The following CCBE1 variants were observed in gnomAD, a reference collection of about 807,000 sequenced individuals.
The protein encoded by CCBE1 is collagen and calcium-binding EGF domain-containing protein 1.
A neutral mutation model predicts 50.0 loss-of-function variants in CCBE1; 37 were observed. The ratio of observed to expected loss-of-function variants is 0.74; its 90% CI spans 0.57 to 0.97. The LOEUF is 0.97. Among genes scored for constraint, CCBE1 ranks in the 50% least tolerant of loss-of-function variants. CCBE1 has a pLI of 0.00. For missense variants in CCBE1, 538 were observed against 523.8 expected (o/e 1.03, Z -0.26); for synonymous variants, 234 against 203.7 (o/e 1.15, Z -1.27).
At chr18:59,694,376 G>A (rs1014695985) in intron 2 of CCBE1, among the ~76,000 whole-genome samples, 1 of 152,236 alleles carries the variant, frequency 6.6e-6, no homozygotes, top group African/African-American at 2.4e-5. Context: ...CTGGAATGCT[G>A]GTTCTTTATC....
At chr18:59,602,119 T>C (rs1325099206) in intron 2 of CCBE1, among the ~76,000 whole-genome samples, 1 of 152,070 alleles carries the variant, frequency 6.6e-6, no homozygotes, top group Non-Finnish European at 1.5e-5. Flanking sequence ...AATTCCTTTT[T>C]TTTTTTTTAA....
chr18:59,447,210 C>A (rs927058180), intron 7 of CCBE1, among the ~76,000 whole-genome samples: 6 of 151,938 alleles, frequency 3.9e-5, no homozygotes, highest in Admixed American at 6.6e-5. Context: ...TACACACATA[C>A]GTATATATGT....
chr18:59,597,539 A>T (rs535322551), intron 2 of CCBE1, among the ~76,000 whole-genome samples: 3 of 149,138 alleles, frequency 2.0e-5, no homozygotes, highest in African/African-American at 7.4e-5. Context: ...TGAGGGTGGG[A>T]GGAGAAAATT....
Position 59,612,217 on chromosome 18 carries a change from A to T in CCBE1, c.212+84412T>A, listed in dbSNP as rs187584467. Reference sequence around the variant, plus strand: ...AAGCACTGGCTCTTCATACTCCCTTAAACCAACATGGCACATGTATACATA... The same window carrying T: ...AAGCACTGGCTCTTCATACTCCCTTTAACCAACATGGCACATGTATACATA... On this transcript the variant is annotated intron_variant, in intron 2 of 10. Coordinates refer to ENST00000439986, the MANE Select transcript of CCBE1 (RefSeq NM_133459.4). Among the ~76,000 whole-genome samples, 215 of 151,948 alleles carry T rather than the reference A, an allele frequency of 1.4e-3. 4 individuals carry two copies. In the Middle Eastern group the frequency reaches 0.027, roughly 19 times the overall value.
intron 7 of CCBE1, among the ~76,000 whole-genome samples, chr18:59,445,453 T>A (rs1397462708): frequency 7.2e-5 from 11 of 152,248 alleles, no homozygotes; most frequent in Non-Finnish European, 1.5e-4. Flanking sequence ...TTCTTTTAAA[T>A]GCACATAGTA....
intron 2 of CCBE1, among the ~76,000 whole-genome samples, chr18:59,669,949 G>C (rs941872007): frequency 3.9e-5 from 6 of 152,208 alleles, no homozygotes; most frequent in Non-Finnish European, 8.8e-5. Flanking sequence ...GATGATTACT[G>C]ATGCTACATT....
intron 2 of CCBE1, among the ~76,000 whole-genome samples, chr18:59,633,649 T>TAC (rs1475336193): frequency 6.6e-6 from 1 of 151,982 alleles, no homozygotes; most frequent in African/African-American, 2.4e-5. Flanking sequence ...GAGAACTGTC[T>TAC]ACATTGTTAA....
intron 2 of CCBE1, among the ~76,000 whole-genome samples, chr18:59,625,324 G>A (rs2005276): frequency 0.46 from 68,937 of 151,372 alleles, 17,168 homozygotes; most frequent in African/African-American, 0.66. Flanking sequence ...CCAGCTACTC[G>A]GGAGGCTGAG....
At chr18:59,658,321 TAAAAAAAAAAAAAAA>T (rs1157998930) in intron 2 of CCBE1, among the ~76,000 whole-genome samples, 77 of 6,414 alleles carry the variant, frequency 0.012, 2 homozygotes, top group African/African-American at 0.018. Flanking sequence ...ACCCTGTCTC[TAAAAAAAAAAAAAAA>T]AAAAAAAAAA....
intron 2 of CCBE1, among the ~76,000 whole-genome samples, chr18:59,665,707 C>T (rs963470757): frequency 1.3e-4 from 20 of 152,018 alleles, no homozygotes; most frequent in Admixed American, 1.1e-3. Context: ...TTTACGGCTC[C>T]GAGGTGATGG....
At chr18:59,581,708 G>C (rs568284563) in intron 2 of CCBE1, among the ~76,000 whole-genome samples, 9 of 152,200 alleles carry the variant, frequency 5.9e-5, no homozygotes, top group Non-Finnish European at 1.3e-4. Context: ...GTTGGGGCCA[G>C]ATACTTCTTC....
At chr18:59,691,385 C>G (rs1280421478) in intron 2 of CCBE1, among the ~76,000 whole-genome samples, 2 of 137,774 alleles carry the variant, frequency 1.5e-5, no homozygotes, top group African/African-American at 2.6e-5. Context: ...CCCCTGCTCT[C>G]TTCTTCACAA....
chr18:59,550,766 C>T (rs897626545), intron 2 of CCBE1, among the ~76,000 whole-genome samples: 9 of 151,924 alleles, frequency 5.9e-5, no homozygotes, highest in East Asian at 5.8e-4. Context: ...CGGTGGCTCA[C>T]GCCTGTAATC....
At chr18:59,492,641 C>T (rs148657603) in intron 2 of CCBE1, among the ~76,000 whole-genome samples, 1 of 152,280 alleles carries the variant, frequency 6.6e-6, no homozygotes, top group Non-Finnish European at 1.5e-5. Context: ...ACACAAGAAA[C>T]CTGTATCCGT....
chr18:59,574,545 C>A (rs537095044), intron 2 of CCBE1, among the ~76,000 whole-genome samples: 2 of 152,328 alleles, frequency 1.3e-5, no homozygotes, highest in African/African-American at 4.8e-5. Flanking sequence ...AAAGTTATTT[C>A]ATCTTAACTC....
chr18:59,462,421 T>C (rs914017179), intron 5 of CCBE1: 2 of 152,182 alleles, frequency 1.3e-5, no homozygotes, highest in Non-Finnish European at 2.9e-5. Context: ...TTCTTTTTTT[T>C]TTGAGACAGG....
At chr18:59,543,328 G>C (rs762292361) in intron 2 of CCBE1, among the ~76,000 whole-genome samples, 32 of 152,122 alleles carry the variant, frequency 2.1e-4, no homozygotes, top group Non-Finnish European at 3.2e-4. Flanking sequence ...ATTATTTAGG[G>C]AAAGTTTTCA....
intron 2 of CCBE1, among the ~76,000 whole-genome samples, chr18:59,528,206 A>G (rs1170192201): frequency 6.6e-6 from 1 of 151,968 alleles, no homozygotes; most frequent in East Asian, 1.9e-4. Context: ...GATCTTGTCT[A>G]CCTGTCTTAC....
intron 2 of CCBE1, among the ~76,000 whole-genome samples, chr18:59,605,944 A>T (rs1280013900): frequency 6.6e-6 from 1 of 152,132 alleles, no homozygotes; most frequent in Non-Finnish European, 1.5e-5. Flanking sequence ...CTCAGTTAGA[A>T]ATCTACCAAG....
Sources: allele counts gnomAD v4.1 joint callset (sites outside exome capture counted in the v4.1 genomes callset), GRCh38; gene constraint gnomAD v4.1.1; transcripts MANE v1.5; gene names NCBI Gene and HGNC (gene_info 2026-07-23, HGNC 2026-07-21).